The following WDR19 variants were observed in gnomAD, a reference collection of about 807,000 sequenced individuals.
WDR19 encodes the protein WD repeat domain 19.
In WDR19, 121 loss-of-function variants were observed where a neutral mutation model predicts 180.0. The observed-to-expected ratio is 0.67, with a 90% CI of 0.58 to 0.78. The LOEUF is 0.78. Ranked by LOEUF, WDR19 falls within the 30% of genes least tolerant of loss-of-function variation. The pLI is 0.00. For synonymous variants in WDR19, 497 were observed against 540.7 expected (o/e 0.92, Z 1.12); for missense variants, 1,450 against 1,640.7 (o/e 0.88, Z 2.01).
chr4:39,184,620 C>A (rs998455298), intron 1 of WDR19, among the ~76,000 whole-genome samples: 1 of 152,014 alleles, frequency 6.6e-6, no homozygotes, highest in Admixed American at 6.5e-5. Flanking sequence ...CAAGCGCCAC[C>A]ATGCCCAGCT....
At chr4:39,194,759 C>T (rs557159410) in intron 5 of WDR19, 100 bp downstream of exon 5, 79 of 830,716 alleles carry the variant, frequency 9.5e-5, no homozygotes, top group Non-Finnish European at 1.4e-4. Context: ...GGAAATTTTG[C>T]AGTACAAACC....
chr4:39,274,979 CT>C, intron 33 of WDR19, 21 bp downstream of exon 33: 1 of 1,607,236 alleles, frequency 6.2e-7, no homozygotes, highest in Non-Finnish European at 8.5e-7. Context: ...ATGGCTATTT[CT>C]GCTATCTAAT....
intron 28 of WDR19, 46 bp from the exon 29 acceptor site, chr4:39,266,017 G>C: frequency 6.7e-7 from 1 of 1,489,394 alleles, no homozygotes; most frequent in South Asian, 1.2e-5. Context: ...ACTCTTGCTC[G>C]GTTTAAGATG....
chr4:39,182,831 C>A (rs1280576525), intron 1 of WDR19, among the ~76,000 whole-genome samples: 15 of 152,096 alleles, frequency 9.9e-5, no homozygotes, highest in Admixed American at 9.8e-4. Context: ...AAAGTGGGAA[C>A]CCCTCCCTGG....
chr4:39,187,516 A>C (rs1381982701), intron 3 of WDR19, among the ~76,000 whole-genome samples: 1 of 151,282 alleles, frequency 6.6e-6, no homozygotes, highest in Admixed American at 6.6e-5. Context: ...TAGTTTATTG[A>C]CCATTTTTGA....
chr4:39,268,839 A>G (rs545403880), intron 30 of WDR19, among the ~76,000 whole-genome samples: 1 of 152,340 alleles, frequency 6.6e-6, no homozygotes, highest in African/African-American at 2.4e-5. Context: ...GGACGGGATG[A>G]CAAGTGCCAG....
chr4:39,201,976 TCA>T lies in WDR19; in HGVS notation c.523-1664_523-1663del, dbSNP rs1243102783. Among the ~76,000 whole-genome samples the T allele has an allele frequency of 1.1e-4, 17 of 152,350 alleles. No individual in the cohort carries two copies. The East Asian group carries it at 3.3e-3, about 29-fold the overall frequency. ...TGTTTTAACTTTGGCATTCTGAAGA[TCA>T]CTATGGTGTTACTTGTATGGATTTA... On this transcript the variant is annotated intron_variant, in intron 6 of 36. Transcript: ENST00000399820.
intron 5 of WDR19, among the ~76,000 whole-genome samples, chr4:39,196,174 A>G (rs1174779811): frequency 6.6e-6 from 1 of 152,170 alleles, no homozygotes; most frequent in East Asian, 1.9e-4. Flanking sequence ...CCCTTAATCT[A>G]TGATCAGCAA....
At position 39,270,075 on chromosome 4, in the gene WDR19, T is replaced by C. The variant is rs768947798; in HGVS notation, c.3458T>C (p.Ile1153Thr). 2 of 1,613,872 alleles carry C rather than the reference T, an allele frequency of 1.2e-6. No homozygotes were observed. Among genetic ancestry groups the C allele is most frequent in the Admixed American group, 1.7e-5 (1 of 59,998 alleles). ...TCCGAGATGGCCACCAACCTCATGA[T>C]TCTGCACAGCTATATACTAGTAAAG... ...IPSEMATNLM[I>T]LHSYILVKIH... The change falls in exon 31 of 37, where the codon ATT (isoleucine) becomes ACT (threonine). Residue 1153 changes from isoleucine to threonine, a missense_variant. Ile to Thr is a moderately conservative substitution (Grantham distance 89). Coordinates refer to ENST00000399820, the MANE Select transcript of WDR19 (RefSeq NM_025132.4).
chr4:39,278,779 T>C, intron 36 of WDR19, 116 bp downstream of exon 36: 1 of 505,928 alleles, frequency 2.0e-6, no homozygotes. Context: ...TTGCCAGATT[T>C]GAACAATCTG....
intron 29 of WDR19, among the ~76,000 whole-genome samples, chr4:39,267,020 T>C (rs62308321): frequency 6.6e-6 from 1 of 152,156 alleles, no homozygotes. Context: ...GAGGCAGAGG[T>C]TGCAGTGAAC....
At chr4:39,204,973 G>A (rs1276268214) in intron 7 of WDR19, among the ~76,000 whole-genome samples, 181 bp from the exon 8 acceptor site, 2 of 152,166 alleles carry the variant, frequency 1.3e-5, no homozygotes, top group East Asian at 1.9e-4. Flanking sequence ...AACCAAGGAC[G>A]CTTACCAGTT....
At chr4:39,234,177 T>G (rs1577950277) in intron 19 of WDR19, among the ~76,000 whole-genome samples, 1 of 152,202 alleles carries the variant, frequency 6.6e-6, no homozygotes. Flanking sequence ...ATGTTAGCTA[T>G]TATTGTTTAG....
At chr4:39,244,409 A>T in intron 22 of WDR19, 21 bp downstream of exon 22, 1 of 1,613,930 alleles carries the variant, frequency 6.2e-7, no homozygotes, top group Non-Finnish European at 8.5e-7. Context: ...CTCTGCATCA[A>T]TATACATGTG....
At chr4:39,275,317 G>GTGA in intron 33 of WDR19, 1 of 268,504 alleles carries the variant, frequency 3.7e-6, no homozygotes, top group Non-Finnish European at 7.4e-6. Context: ...TCCAGCCTGG[G>GTGA]CAACAGAGTG....
At chr4:39,238,961 T>G (rs1281561047) in intron 20 of WDR19, among the ~76,000 whole-genome samples, 1 of 152,100 alleles carries the variant, frequency 6.6e-6, no homozygotes, top group Non-Finnish European at 1.5e-5. Flanking sequence ...GCATCAGTCA[T>G]GGGAAGAGAA....
chr4:39,227,249 A>G (rs1234830632), intron 15 of WDR19, among the ~76,000 whole-genome samples: 2 of 152,184 alleles, frequency 1.3e-5, no homozygotes, highest in East Asian at 1.9e-4. Flanking sequence ...CAAGAATTTT[A>G]TATTTCATTC....
intron 17 of WDR19, 91 bp downstream of exon 17, chr4:39,228,781 C>T: frequency 3.0e-6 from 4 of 1,331,518 alleles, no homozygotes; most frequent in Non-Finnish European, 4.0e-6. Flanking sequence ...TATTTTATTG[C>T]TTTATTCTTT....
intron 14 of WDR19, among the ~76,000 whole-genome samples, chr4:39,220,079 G>C (rs1443990131): frequency 6.6e-6 from 1 of 151,820 alleles, no homozygotes; most frequent in Non-Finnish European, 1.5e-5. Context: ...AAAATAGCCG[G>C]GCGTGGTCAT....
Sources: allele counts gnomAD v4.1 joint callset (sites outside exome capture counted in the v4.1 genomes callset), GRCh38; gene constraint gnomAD v4.1.1; transcripts MANE v1.5; gene names NCBI Gene and HGNC (gene_info 2026-07-23, HGNC 2026-07-21).